Variants in ADRA1A observed in about 807,000 individuals in gnomAD.
ADRA1A encodes the protein alpha-1A adrenergic receptor.
In ADRA1A, 31 loss-of-function variants were observed where a neutral mutation model predicts 29.6. The ratio of observed to expected loss-of-function variants is 1.05; its 90% CI spans 0.79 to 1.41. The LOEUF (loss-of-function observed/expected upper bound fraction) is 1.41. Ranked by LOEUF, ADRA1A falls within the 40% of genes most tolerant of loss-of-function variation. The probability of loss-of-function intolerance (pLI) is 0.00; values close to 1 mark genes in which losing one functional copy is unlikely to be tolerated. For synonymous variants in ADRA1A, 311 were observed against 254.3 expected (o/e 1.22, Z -2.12); for missense variants, 619 against 601.1 (o/e 1.03, Z -0.31).
At chr8:26,819,094 G>A (rs1809973225) in intron 2 of ADRA1A, among the ~76,000 whole-genome samples, 1 of 152,132 alleles carries the variant, frequency 6.6e-6, no homozygotes. Context: ...AGCAGCAAGA[G>A]AAAAGCAGGA....
At chr8:26,861,271 C>T (rs1813432408) in intron 2 of ADRA1A, among the ~76,000 whole-genome samples, 1 of 148,420 alleles carries the variant, frequency 6.7e-6, no homozygotes, top group Non-Finnish European at 1.5e-5. Context: ...GCTGTTTCTC[C>T]TGTTTTTCCT....
intron 2 of ADRA1A, chr8:26,854,105 C>A (rs141836701): frequency 0.014 from 2,195 of 152,140 alleles, 25 homozygotes; most frequent in Non-Finnish European, 0.022. Context: ...TCCCCTTTAG[C>A]CAGAACAAGG....
chr8:26,782,644 G>A (rs564355689), intron 2 of ADRA1A, among the ~76,000 whole-genome samples: 6 of 152,120 alleles, frequency 3.9e-5, no homozygotes, highest in Non-Finnish European at 8.8e-5. Context: ...GGTACTTTCA[G>A]GGGGAAGATC....
chr8:26,812,946 T>G (rs540470457), intron 2 of ADRA1A, among the ~76,000 whole-genome samples: 413 of 151,872 alleles, frequency 2.7e-3, no homozygotes, highest in East Asian at 3.7e-3. Flanking sequence ...GATTACAGGC[T>G]TGAGCTACCA....
At chr8:26,856,667 C>G (rs763663708) in intron 2 of ADRA1A, among the ~76,000 whole-genome samples, 7 of 152,186 alleles carry the variant, frequency 4.6e-5, no homozygotes, top group Non-Finnish European at 1.0e-4. Flanking sequence ...AATAGTCAAG[C>G]CCTCCTTCCC....
chr8:26,795,509 G>A (rs1254588607), intron 2 of ADRA1A, among the ~76,000 whole-genome samples: 1 of 152,060 alleles, frequency 6.6e-6, no homozygotes, highest in African/African-American at 2.4e-5. Context: ...TGGTTGATGA[G>A]CAGAAGTTGC....
chr8:26,793,790 C>A (rs554988740), intron 2 of ADRA1A, among the ~76,000 whole-genome samples: 2 of 151,946 alleles, frequency 1.3e-5, no homozygotes, highest in Non-Finnish European at 1.5e-5. Context: ...ATAGAAGACA[C>A]AAAAATTGAC....
At chr8:26,785,127 G>A (rs921451310) in intron 2 of ADRA1A, among the ~76,000 whole-genome samples, 17 of 152,118 alleles carry the variant, frequency 1.1e-4, no homozygotes, top group Admixed American at 5.2e-4. Context: ...AAAATTGAAT[G>A]TCTTGCTTCC....
intron 2 of ADRA1A, among the ~76,000 whole-genome samples, chr8:26,804,014 T>A (rs1372787176): frequency 6.8e-6 from 1 of 147,950 alleles, no homozygotes; most frequent in East Asian, 2.1e-4. Context: ...CTTGAATTCC[T>A]GGGCTCAAGA....
At chr8:26,810,825 C>T (rs891304159) in intron 2 of ADRA1A, among the ~76,000 whole-genome samples, 2 of 151,854 alleles carry the variant, frequency 1.3e-5, no homozygotes, top group South Asian at 2.1e-4. Context: ...TCAACTGACC[C>T]GAAATAGTTT....
intron 2 of ADRA1A, among the ~76,000 whole-genome samples, chr8:26,774,733 T>A (rs1463372002): frequency 6.6e-6 from 1 of 151,132 alleles, no homozygotes; most frequent in African/African-American, 2.4e-5. Flanking sequence ...CCCATCCACG[T>A]ATTTCTTCCT....
intron 2 of ADRA1A, among the ~76,000 whole-genome samples, chr8:26,852,324 C>T (rs964367388): frequency 6.6e-6 from 1 of 151,978 alleles, no homozygotes; most frequent in Non-Finnish European, 1.5e-5. Context: ...ACTAAACATT[C>T]TGGGTAAGCT....
chr8:26,859,346 G>C (rs1813277764), intron 2 of ADRA1A: 5 of 467,630 alleles, frequency 1.1e-5, no homozygotes, highest in Middle Eastern at 7.3e-4. Context: ...TTAAGTCTCT[G>C]CTCTGTCAAT....
downstream of ADRA1A, among the ~76,000 whole-genome samples, chr8:26,753,955 A>G (rs1297411062): frequency 6.6e-6 from 1 of 152,248 alleles, no homozygotes; most frequent in Non-Finnish European, 1.5e-5. Flanking sequence ...AACAAATAAA[A>G]TAAATTCATT....
intron 2 of ADRA1A, among the ~76,000 whole-genome samples, chr8:26,835,528 A>T (rs1811284270): frequency 6.6e-6 from 1 of 152,178 alleles, no homozygotes; most frequent in Non-Finnish European, 1.5e-5. Context: ...GAGAAGAATG[A>T]GGGCCAAGCG....
At chr8:26,807,864 C>T (rs908371896) in intron 2 of ADRA1A, among the ~76,000 whole-genome samples, 2 of 152,188 alleles carry the variant, frequency 1.3e-5, no homozygotes, top group Admixed American at 6.5e-5. Context: ...TGCTCCCCTC[C>T]TCCTTTGCAA....
rs1439517466 is a variant in ADRA1A at position 26,768,962 on chromosome 8, G to A, written c.*1187C>T. The A allele has an allele frequency of 1.0e-6, 1 of 985,298 alleles. No homozygotes were observed. Among genetic ancestry groups the A allele is most frequent in the Non-Finnish European group, 1.2e-6 (1 of 829,906 alleles). 61.0% of individuals were successfully genotyped at this position (985,298 alleles called of 1,614,324 possible). ...AATGGCCTTCTATCAAAAAATGTTT[G>A]CAAACTCCTGCGTTAGACAGTTCTT... On this transcript the variant is annotated 3_prime_UTR_variant, in exon 3 of 3. Coordinates refer to ENST00000380573, the MANE Select transcript of ADRA1A (RefSeq NM_000680.4).
Position 26,848,461 on chromosome 8 carries a change from CTT to C in ADRA1A, c.883+15624_883+15625del, listed in dbSNP as rs1472248100. Among the ~76,000 whole-genome samples the C allele has an allele frequency of 2.6e-5, 4 of 152,170 alleles. No individual in the cohort carries two copies. The highest frequency in any genetic ancestry group is 9.7e-5 in the African/African-American group (4 of 41,446). ...ACCAGAGAGCTCTCTCTCTCTCTCT[CTT>C]CATCAGGTGAGAATGCAGGGAGAAG... On this transcript the variant is annotated intron_variant, in intron 2 of 2. Coordinates refer to ENST00000380573, the MANE Select transcript of ADRA1A (RefSeq NM_000680.4). This position sits in a 1 kb window ranked among gnomAD's most constrained non-coding sequence, Gnocchi z 4.3.
intron 2 of ADRA1A, among the ~76,000 whole-genome samples, chr8:26,846,056 GT>G (rs758722257): frequency 1.3e-5 from 2 of 152,134 alleles, no homozygotes; most frequent in Middle Eastern, 3.2e-3. Flanking sequence ...ATTTAAGATG[GT>G]TAAAATTGTG....
Sources: allele counts gnomAD v4.1 joint callset (sites outside exome capture counted in the v4.1 genomes callset), GRCh38; gene constraint gnomAD v4.1.1; non-coding constraint Gnocchi (gnomAD v3.1); transcripts MANE v1.5; gene names NCBI Gene and HGNC (gene_info 2026-07-23, HGNC 2026-07-21).